The following PRKG1 variants were observed in gnomAD, a reference collection of about 807,000 sequenced individuals.
PRKG1 encodes the protein cGMP-dependent protein kinase 1.
A neutral mutation model predicts 88.1 loss-of-function variants in PRKG1; 35 were observed. The ratio of observed to expected loss-of-function variants is 0.40; its 90% CI spans 0.30 to 0.53. The LOEUF (loss-of-function observed/expected upper bound fraction) is 0.53, where lower values mean the gene tolerates loss of function less well. PRKG1 is among the 20% of genes least tolerant of loss of function. The pLI, the probability that PRKG1 is intolerant of heterozygous loss-of-function variation, is 0.59. For synonymous variants in PRKG1, 303 were observed against 292.5 expected (o/e 1.04, Z -0.37); for missense variants, 540 against 839.8 (o/e 0.64, Z 4.41).
chr10:51,285,817 G>A lies in PRKG1; in HGVS notation c.478+132487G>A, dbSNP rs141042952. Among the ~76,000 whole-genome samples, 23 of 152,246 alleles carry A rather than the reference G, an allele frequency of 1.5e-4. No homozygotes were observed. In the East Asian group the frequency reaches 2.7e-3, roughly 18 times the overall value. On this transcript the variant is annotated intron_variant, in intron 2 of 17. Transcript: ENST00000373980. ...GTGAAGAGTTCTGAAGCCGTCCCCCGCTTATGAAACTGACAGTAACTGTTC... is the reference window on the plus strand; with the variant it reads ...GTGAAGAGTTCTGAAGCCGTCCCCCACTTATGAAACTGACAGTAACTGTTC...
intron 5 of PRKG1, among the ~76,000 whole-genome samples, chr10:51,932,897 A>AG (rs1330242524): frequency 3.3e-5 from 5 of 152,140 alleles, no homozygotes; most frequent in African/African-American, 1.2e-4. Context: ...AGAAAAAAAA[A>AG]TGTATCTTAT....
intron 1 of PRKG1, among the ~76,000 whole-genome samples, chr10:51,047,081 A>T (rs556369120): frequency 2.0e-5 from 3 of 152,342 alleles, no homozygotes; most frequent in Non-Finnish European, 2.9e-5. Flanking sequence ...AAAGGGAAAT[A>T]CACGTTTTTC....
chr10:51,321,939 A>G (rs1044792862), intron 2 of PRKG1, among the ~76,000 whole-genome samples: 13 of 152,228 alleles, frequency 8.5e-5, no homozygotes, highest in Non-Finnish European at 1.5e-5. Flanking sequence ...AGTAAACCAC[A>G]GATGGTAAGT....
chr10:51,027,891 A>AT (rs987951019), intron 1 of PRKG1, among the ~76,000 whole-genome samples: 1 of 152,164 alleles, frequency 6.6e-6, no homozygotes, highest in Non-Finnish European at 1.5e-5. Context: ...ACAACCATTC[A>AT]TTTTTTAAAA....
intron 3 of PRKG1, among the ~76,000 whole-genome samples, chr10:51,572,817 G>A (rs143085920): frequency 9.2e-5 from 14 of 151,870 alleles, no homozygotes; most frequent in South Asian, 4.1e-4. Context: ...AATATTTTAC[G>A]CATTGTACCA....
chr10:51,753,999 C>G (rs912906194), intron 3 of PRKG1, among the ~76,000 whole-genome samples: 1 of 152,008 alleles, frequency 6.6e-6, no homozygotes, highest in African/African-American at 2.4e-5. Context: ...TCTCTAGGAT[C>G]ACTGTAACAT....
At chr10:51,554,730 T>C (rs1837266324) in intron 3 of PRKG1, among the ~76,000 whole-genome samples, 1 of 151,752 alleles carries the variant, frequency 6.6e-6, no homozygotes, top group East Asian at 1.9e-4. Context: ...CACTGTGTGC[T>C]AGGTGCCCAG....
intron 3 of PRKG1, among the ~76,000 whole-genome samples, chr10:51,762,535 A>T (rs1838046229): frequency 6.6e-6 from 1 of 152,338 alleles, no homozygotes; most frequent in East Asian, 1.9e-4. Flanking sequence ...GATGGATAAA[A>T]TGCAAAATGC....
intron 2 of PRKG1, among the ~76,000 whole-genome samples, chr10:51,192,809 A>G (rs1371744165): frequency 6.6e-6 from 1 of 151,932 alleles, no homozygotes; most frequent in Non-Finnish European, 1.5e-5. Flanking sequence ...GAAGCCTAGT[A>G]ACATCACGTA....
intron 4 of PRKG1, among the ~76,000 whole-genome samples, chr10:51,817,404 T>A (rs1266735763): frequency 7.0e-6 from 1 of 142,572 alleles, no homozygotes; most frequent in Non-Finnish European, 1.5e-5. Flanking sequence ...TGTGTCCATG[T>A]GTTCTCATTG....
intron 3 of PRKG1, among the ~76,000 whole-genome samples, chr10:51,652,125 A>G (rs1840054030): frequency 6.6e-6 from 1 of 152,188 alleles, no homozygotes; most frequent in East Asian, 1.9e-4. Context: ...TCTTCTGGAA[A>G]GAAAAGCTTT....
intron 9 of PRKG1, among the ~76,000 whole-genome samples, chr10:52,162,542 A>G (rs955807956): frequency 2.0e-4 from 30 of 152,118 alleles, no homozygotes; most frequent in African/African-American, 6.8e-4. Context: ...TTTTTAAAAT[A>G]CCAGTAATCT....
intron 10 of PRKG1, among the ~76,000 whole-genome samples, chr10:52,269,159 G>C (rs1841653207): frequency 6.6e-6 from 1 of 152,004 alleles, no homozygotes; most frequent in Non-Finnish European, 1.5e-5. Context: ...GTCCTCACTA[G>C]TTTAACTGGG....
At chr10:51,432,017 C>T (rs1176012923) in intron 2 of PRKG1, among the ~76,000 whole-genome samples, 3 of 152,224 alleles carry the variant, frequency 2.0e-5, no homozygotes, top group Admixed American at 6.5e-5. Context: ...AGGTAAAACA[C>T]TCTTTACCAG....
intron 3 of PRKG1, among the ~76,000 whole-genome samples, chr10:51,721,224 A>AAAAG (rs1842005750): frequency 6.7e-6 from 1 of 148,824 alleles, no homozygotes; most frequent in African/African-American, 2.5e-5. Context: ...AAAAAAAAAA[A>AAAAG]AAAAAAAAGA....
intron 2 of PRKG1, among the ~76,000 whole-genome samples, chr10:51,365,457 T>C (rs1842569111): frequency 6.6e-6 from 1 of 151,932 alleles, no homozygotes. Flanking sequence ...AATCTTAAAG[T>C]TTGTGGCTTC....
At chr10:51,411,160 T>A (rs1485340689) in intron 2 of PRKG1, among the ~76,000 whole-genome samples, 1 of 152,128 alleles carries the variant, frequency 6.6e-6, no homozygotes, top group Non-Finnish European at 1.5e-5. Flanking sequence ...CCACCACGCT[T>A]GGCTAATTAT....
intron 1 of PRKG1, among the ~76,000 whole-genome samples, chr10:51,131,580 C>T (rs1845568851): frequency 6.6e-6 from 1 of 152,120 alleles, no homozygotes; most frequent in Admixed American, 6.6e-5. Flanking sequence ...AACTCCATCT[C>T]TATATACATA....
rs1340770090 is a variant in PRKG1 at position 51,596,121 on chromosome 10, G to T, written c.592+128285G>T. On this transcript the variant is annotated intron_variant, in intron 3 of 17. Transcript: ENST00000373980. ...TGGGATTACAGGCGTGAGTCACCTC[G>T]CCTGGCCCTTATGTGATTATTTAAC... Among the ~76,000 whole-genome samples the T allele has an allele frequency of 2.6e-5, 4 of 152,034 alleles. No homozygotes were observed. In the East Asian group the frequency reaches 7.7e-4, roughly 29 times the overall value.
Sources: allele counts gnomAD v4.1 joint callset (sites outside exome capture counted in the v4.1 genomes callset), GRCh38; gene constraint gnomAD v4.1.1; transcripts MANE v1.5; gene names NCBI Gene and HGNC (gene_info 2026-07-23, HGNC 2026-07-21).